PACSIN2: variants seen among roughly 807,000 people sequenced by gnomAD.
PACSIN2 encodes the protein protein kinase C and casein kinase substrate in neurons 2.
A neutral mutation model predicts 63.8 loss-of-function variants in PACSIN2; 25 were observed. The ratio of observed to expected loss-of-function variants is 0.39; its 90% CI spans 0.29 to 0.55. PACSIN2 has a LOEUF of 0.55. Ranked by LOEUF, PACSIN2 falls within the 20% of genes least tolerant of loss-of-function variation. The pLI, the probability that PACSIN2 is intolerant of heterozygous loss-of-function variation, is 0.62. For missense variants in PACSIN2, 518 were observed against 646.9 expected, an observed-to-expected ratio of 0.80 and a Z score of 2.16; for synonymous variants, 255 against 256.2, an observed-to-expected ratio of 1.00 and a Z score of 0.05.
At chr22:42,988,455 T>A (rs1922786825) in intron 1 of PACSIN2, among the ~76,000 whole-genome samples, 1 of 152,214 alleles carries the variant, frequency 6.6e-6, no homozygotes, top group Non-Finnish European at 1.5e-5. Context: ...TCCTGCGTCC[T>A]AGTAATTAAA....
chr22:42,965,772 G>A (rs1437134778), intron 1 of PACSIN2, among the ~76,000 whole-genome samples: 1 of 152,196 alleles, frequency 6.6e-6, no homozygotes, highest in Non-Finnish European at 1.5e-5. Flanking sequence ...ACAGTTCAGT[G>A]ACCTGGAAGT....
intron 1 of PACSIN2, among the ~76,000 whole-genome samples, chr22:42,936,140 C>T (rs1041037592): frequency 1.3e-5 from 2 of 150,108 alleles, no homozygotes; most frequent in South Asian, 2.1e-4. Flanking sequence ...GGCGTGAACC[C>T]GGGAGGCGGA....
chr22:42,963,094 C>T (rs991626306), intron 1 of PACSIN2, among the ~76,000 whole-genome samples: 1 of 152,214 alleles, frequency 6.6e-6, no homozygotes, highest in Non-Finnish European at 1.5e-5. Context: ...CAGTTCTGAT[C>T]TGGCTTCTGT....
At chr22:42,971,454 G>A (rs1005048705) in intron 1 of PACSIN2, among the ~76,000 whole-genome samples, 4 of 152,160 alleles carry the variant, frequency 2.6e-5, no homozygotes, top group East Asian at 1.9e-4. Flanking sequence ...CCTCCCAGCC[G>A]CCTGCCTTGG....
In PACSIN2 at chr22:42,986,396, G is replaced by A. The variant is rs577102917; in HGVS notation, c.-78+28625C>T. The stretch of plus-strand genomic sequence containing the variant: ...TATCAATCAAGGGCAGCATTCATCC[G>A]GCCAAACGAAATCAAACGCCTAAAA... On this transcript the variant is annotated intron_variant, in intron 1 of 10. Coordinates refer to ENST00000263246, the MANE Select transcript of PACSIN2 (RefSeq NM_001184970.3). Among the ~76,000 whole-genome samples, 12 of 152,118 alleles carry A rather than the reference G, an allele frequency of 7.9e-5. 1 individual carries two copies. The East Asian group carries it at 1.5e-3, about 20-fold the overall frequency.
intron 1 of PACSIN2, among the ~76,000 whole-genome samples, chr22:42,919,772 CAAAAAAAAAA>C (rs761464603): frequency 8.2e-5 from 4 of 48,792 alleles, no homozygotes; most frequent in South Asian, 1.7e-3. Context: ...GAACCTGTCT[CAAAAAAAAAA>C]AAAAAAAAAA....
intron 1 of PACSIN2, among the ~76,000 whole-genome samples, chr22:42,922,356 A>G (rs1249967709): frequency 1.3e-5 from 2 of 152,246 alleles, no homozygotes; most frequent in Non-Finnish European, 2.9e-5. Context: ...ACCAGACAAA[A>G]GAACAGGTCA....
chr22:43,011,963 G>A (rs565697263), intron 1 of PACSIN2, among the ~76,000 whole-genome samples: 7 of 151,942 alleles, frequency 4.6e-5, no homozygotes, highest in East Asian at 3.9e-4. Context: ...TGGCCAACAC[G>A]GTGAAATCCC....
At chr22:43,007,320 A>G (rs1924157963) in intron 1 of PACSIN2, among the ~76,000 whole-genome samples, 1 of 151,018 alleles carries the variant, frequency 6.6e-6, no homozygotes, top group Admixed American at 6.6e-5. Flanking sequence ...GGTTCAAGCG[A>G]TTCTCCTGCC....
chr22:42,951,101 G>C (rs578160371), intron 1 of PACSIN2, among the ~76,000 whole-genome samples: 9 of 152,262 alleles, frequency 5.9e-5, no homozygotes, highest in African/African-American at 2.2e-4. Context: ...TAATTGTTCT[G>C]CCATAAGAAT....
At chr22:42,988,045 G>A (rs2146898464) in intron 1 of PACSIN2, among the ~76,000 whole-genome samples, 1 of 152,188 alleles carries the variant, frequency 6.6e-6, no homozygotes, top group Middle Eastern at 3.4e-3. Context: ...GGAGGCTGAG[G>A]TGAATCACTT....
chr22:42,958,586 G>C (rs570448529), intron 1 of PACSIN2, among the ~76,000 whole-genome samples: 1 of 152,318 alleles, frequency 6.6e-6, no homozygotes, highest in South Asian at 2.1e-4. Context: ...TGAAGAAAGA[G>C]ATATTCAGAG....
At chr22:43,014,883 C>G (rs1174965132) in intron 1 of PACSIN2, 138 bp downstream of exon 1, 1 of 150,794 alleles carries the variant, frequency 6.6e-6, no homozygotes, top group East Asian at 2.0e-4. Context: ...CCGCGCGGCC[C>G]GACCCGCTTC....
At chr22:42,982,104 C>T (rs1272342733) in intron 1 of PACSIN2, among the ~76,000 whole-genome samples, 8 of 120,798 alleles carry the variant, frequency 6.6e-5, no homozygotes, top group South Asian at 2.9e-4. Flanking sequence ...CCCGGCCAGC[C>T]GCCCCGTCCG....
intron 2 of PACSIN2, among the ~76,000 whole-genome samples, chr22:42,899,991 A>T (rs1930563158): frequency 6.6e-6 from 1 of 152,168 alleles, no homozygotes; most frequent in Non-Finnish European, 1.5e-5. Context: ...AGAAATAGAG[A>T]CAGGAACGGT....
intron 2 of PACSIN2, among the ~76,000 whole-genome samples, chr22:42,895,029 G>A (rs570179192): frequency 6.6e-6 from 1 of 152,334 alleles, no homozygotes; most frequent in Admixed American, 6.5e-5. Context: ...CTGGTGAAAA[G>A]CAAAGACCCC....
intron 5 of PACSIN2, among the ~76,000 whole-genome samples, chr22:42,885,132 T>C (rs1030960498): frequency 2.0e-5 from 3 of 152,204 alleles, no homozygotes; most frequent in Non-Finnish European, 2.9e-5. Flanking sequence ...AGAAGGGGTT[T>C]TACAAGGCAG....
intron 1 of PACSIN2, among the ~76,000 whole-genome samples, chr22:42,915,190 T>C (rs1188370927): frequency 1.3e-5 from 2 of 152,098 alleles, no homozygotes; most frequent in Non-Finnish European, 2.9e-5. Context: ...GCCCACTAAG[T>C]GCCAGGAGCC....
intron 1 of PACSIN2, among the ~76,000 whole-genome samples, chr22:42,951,119 T>C (rs1218946883): frequency 6.6e-6 from 1 of 152,090 alleles, no homozygotes; most frequent in Non-Finnish European, 1.5e-5. Flanking sequence ...AATACACTGA[T>C]TGAGTTGCTT....
Sources: gnomAD v4.1 joint callset for allele counts (sites outside exome capture counted in the v4.1 genomes callset) on GRCh38, gnomAD v4.1.1 for gene constraint, MANE v1.5 for transcripts, NCBI Gene and HGNC (gene_info 2026-07-23, HGNC 2026-07-21) for gene names.